Variants in LRRC8A observed in about 807,000 individuals in gnomAD.
LRRC8A encodes leucine rich repeat containing 8 VRAC subunit A.
A neutral mutation model predicts 52.5 loss-of-function variants in LRRC8A; 24 were observed. The observed-to-expected ratio is 0.46, with a 90% CI of 0.33 to 0.64. The LOEUF is 0.64. Among genes scored for constraint, LRRC8A ranks in the 30% least tolerant of loss-of-function variants. LRRC8A has a pLI of 0.02. For synonymous variants in LRRC8A, 492 were observed against 494.2 expected (o/e 1.00, Z 0.06); for missense variants, 677 against 1,094.7 (o/e 0.62, Z 5.38).
Position 128,916,593 on chromosome 9 carries a change from G to C in LRRC8A, c.*222G>C, listed in dbSNP as rs1248297580. The stretch of plus-strand genomic sequence containing the variant: ...CTCACGTCCCCCAGGGCAAGTGCTT[G>C]TGGAGGAGAGCAAGTCTCAAGAGCG... On this transcript the variant is annotated 3_prime_UTR_variant, in exon 4 of 4. Coordinates refer to ENST00000372600, the MANE Select transcript of LRRC8A (RefSeq NM_019594.4). This position sits in a 1 kb window ranked among gnomAD's most constrained non-coding sequence, Gnocchi z 6.1. The C allele has an allele frequency of 6.8e-6, 4 of 591,404 alleles. No homozygotes were observed. Among genetic ancestry groups the C allele is most frequent in the Non-Finnish European group, 1.2e-5 (4 of 341,100 alleles). 36.6% of individuals were successfully genotyped at this position (591,404 alleles called of 1,614,324 possible).
chr9:128,900,307 T>C (rs931654644), intron 2 of LRRC8A, among the ~76,000 whole-genome samples: 3 of 152,186 alleles, frequency 2.0e-5, no homozygotes, highest in African/African-American at 7.2e-5. Context: ...GTCCTAACAA[T>C]TGACTCTTGT....
At chr9:128,904,197 G>C (rs1305489770) in intron 2 of LRRC8A, among the ~76,000 whole-genome samples, 1 of 152,142 alleles carries the variant, frequency 6.6e-6, no homozygotes, top group Non-Finnish European at 1.5e-5. Flanking sequence ...CTGGGTTACA[G>C]TGTAAAGTAA....
chr9:128,893,318 T>G (rs1372981994), intron 2 of LRRC8A, among the ~76,000 whole-genome samples: 1 of 152,118 alleles, frequency 6.6e-6, no homozygotes, highest in Non-Finnish European at 1.5e-5. Flanking sequence ...TCTGGGAGGG[T>G]CATCTGCGAT....
rs1032964700 is a variant in LRRC8A at position 128,917,377 on chromosome 9, G to A, written c.*1006G>A. The A allele has an allele frequency of 2.0e-5, 3 of 152,518 alleles. No homozygotes were observed. The highest frequency in any genetic ancestry group is 4.4e-5 in the Non-Finnish European group (3 of 68,014). The allele number at this position is 152,518 out of a possible 1,614,324, so 9.4% of individuals were successfully genotyped here. A position where few individuals can be genotyped will look rare whatever the true frequency, so the allele number is the denominator to read the frequency against. ...TGTGTCTTGGCAGGCACTCATTTCT[G>A]TGGCTGTCGGCCAGAGGGAATGTTC... is the stretch of plus-strand genomic sequence containing the variant. On this transcript the variant is annotated 3_prime_UTR_variant, in exon 4 of 4. Transcript: ENST00000372600.
Position 128,908,061 on chromosome 9 carries a change from T to A in LRRC8A, c.897T>A (p.Ile299=). ...TCGACGTGGACTGCACCGTGGACAT[T>A]GAGAGCCTGACGGGCTACCGCACCT... ...IKFDVDCTVD[I]ESLTGYRTYR... is the part of the protein sequence containing the mutation. The change falls in exon 3 of 4, where the codon ATT becomes ATA. Residue 299 remains isoleucine (I), a synonymous_variant. Transcript: ENST00000372600. 2 of 1,614,040 alleles carry A rather than the reference T, an allele frequency of 1.2e-6. No individual in the cohort carries two copies. The highest frequency in any genetic ancestry group is 8.5e-7 in the Non-Finnish European group (1 of 1,180,010).
At chr9:128,915,273 G>A (rs927610637) in intron 3 of LRRC8A, among the ~76,000 whole-genome samples, 2 of 152,092 alleles carry the variant, frequency 1.3e-5, no homozygotes, top group African/African-American at 4.8e-5. Flanking sequence ...CTATTCACAG[G>A]TACCTATGAT....
intron 3 of LRRC8A, among the ~76,000 whole-genome samples, chr9:128,912,407 G>A (rs562664544): frequency 1.3e-5 from 2 of 152,096 alleles, no homozygotes; most frequent in African/African-American, 4.8e-5. Flanking sequence ...GAAGCCAGGT[G>A]GAGGGGAAAG....
At position 128,907,821 on chromosome 9, in the gene LRRC8A, C is replaced by G; in HGVS notation, c.657C>G (p.Ile219Met). 1 of 1,613,974 alleles carries G rather than the reference C, an allele frequency of 6.2e-7. No individual in the cohort carries two copies. Residue 219 changes from isoleucine to methionine, a missense_variant, in exon 3 of 4, where the codon ATC (isoleucine) becomes ATG (methionine). Around this residue, in one of 4 missense-constraint regions of LRRC8A, gnomAD observed 422 missense variants for 741.5 expected, o/e 0.57. Coordinates refer to ENST00000372600, the MANE Select transcript of LRRC8A (RefSeq NM_019594.4). The surrounding 1 kb of genome is among the most constrained non-coding windows in gnomAD (Gnocchi z 9.3). ...TGCTGCAGCGGACCAAGTCACGGAT[C>G]GAGCAGGGTATCGTGGACCGCTCAG... The part of the protein sequence containing the change: ...VPMLQRTKSR[I>M]EQGIVDRSET...
chr9:128,890,928 T>C (rs1839592461), intron 2 of LRRC8A, among the ~76,000 whole-genome samples: 1 of 151,542 alleles, frequency 6.6e-6, no homozygotes, highest in African/African-American at 2.4e-5. Context: ...AGGTGGAGGA[T>C]TGCTTGAGCC....
chr9:128,903,615 T>G (rs894446169), intron 2 of LRRC8A, among the ~76,000 whole-genome samples: 13 of 151,852 alleles, frequency 8.6e-5, no homozygotes, highest in East Asian at 5.9e-4. Flanking sequence ...GAGTTTCACC[T>G]TGTTAGCCAG....
At position 128,916,396 on chromosome 9, in the gene LRRC8A, C is replaced by A. The variant is rs766265457; in HGVS notation, c.*25C>A. The A allele has an allele frequency of 3.8e-6, 6 of 1,594,162 alleles. No homozygotes were observed. The highest frequency in any genetic ancestry group is 5.1e-6 in the Non-Finnish European group (6 of 1,168,792). ...AGCGAGGCCGGCCCAGCACAGCAAG[C>A]AGCAGGACCGCTGCCCAGTCCTCAG... On this transcript the variant is annotated 3_prime_UTR_variant, in exon 4 of 4. Transcript: ENST00000372600. This position sits in a 1 kb window ranked among gnomAD's most constrained non-coding sequence, Gnocchi z 6.1.
intron 1 of LRRC8A, among the ~76,000 whole-genome samples, chr9:128,883,819 A>G (rs1839261250): frequency 1.3e-5 from 2 of 152,076 alleles, no homozygotes; most frequent in South Asian, 2.1e-4. Context: ...CTAAAAATAC[A>G]AAAAATTAGC....
Position 128,908,033 on chromosome 9 carries a change from A to G in LRRC8A, c.869A>G (p.Lys290Arg), listed in dbSNP as rs1484452696. 1.9e-6 allele frequency: 3 copies of G among 1,613,944 alleles called. No homozygotes were observed. The highest frequency in any genetic ancestry group is 2.7e-5 in the African/African-American group (2 of 74,898). The change falls in exon 3 of 4, where the codon AAG becomes AGG. Residue 290 changes from lysine (K) to arginine (R), a missense_variant. By Grantham distance (26) the Lys-to-Arg change is conservative. Coordinates refer to ENST00000372600, the MANE Select transcript of LRRC8A (RefSeq NM_019594.4). ...ACCGTCTACTACGTGCACAACATCA[A>G]GTTCGACGTGGACTGCACCGTGGAC... ...CYTVYYVHNIKFDVDCTVDIE... is the reference protein window; with the variant it reads ...CYTVYYVHNIRFDVDCTVDIE...
intron 2 of LRRC8A, among the ~76,000 whole-genome samples, chr9:128,894,983 G>A (rs1839768471): frequency 6.6e-6 from 1 of 152,016 alleles, no homozygotes; most frequent in Admixed American, 6.6e-5. Context: ...GAAACTCTCT[G>A]CACCCATTAA....
In LRRC8A at chr9:128,908,152, ATCT is replaced by A. The variant is rs1564527736; in HGVS notation, c.992_994del (p.Phe331del). ...GGCGTCCTTCTACATCAGCCTAGTC[ATCT>A]TCTACGGCCTCATCTGCATGTATAC... On this transcript the variant is annotated inframe_deletion, in exon 3 of 4. Coordinates refer to ENST00000372600, the MANE Select transcript of LRRC8A (RefSeq NM_019594.4). 1 of 1,613,984 alleles carries A rather than the reference ATCT, an allele frequency of 6.2e-7. No homozygotes were observed. Among genetic ancestry groups the A allele is most frequent in the Non-Finnish European group, 8.5e-7 (1 of 1,180,014 alleles).
At chr9:128,906,699 G>A (rs1007265155) in intron 2 of LRRC8A, among the ~76,000 whole-genome samples, 1 of 152,130 alleles carries the variant, frequency 6.6e-6, no homozygotes, top group African/African-American at 2.4e-5. Flanking sequence ...CTCATATTTT[G>A]CGGGAATCCC....
At chr9:128,912,580 G>C (rs564565997) in intron 3 of LRRC8A, among the ~76,000 whole-genome samples, 1 of 152,076 alleles carries the variant, frequency 6.6e-6, no homozygotes, top group Non-Finnish European at 1.5e-5. Context: ...TTTAACAGCC[G>C]ATCCCTTGCC....
chr9:128,907,063 A>G lies in LRRC8A; in HGVS notation c.-8-94A>G, dbSNP rs1026191425. 17 of 1,076,486 alleles carry G rather than the reference A, an allele frequency of 1.6e-5. No individual in the cohort carries two copies. Among genetic ancestry groups the G allele is most frequent in the Middle Eastern group, 3.1e-4 (1 of 3,238 alleles). The allele number at this position is 1,076,486 out of a possible 1,614,324, so 66.7% of individuals were successfully genotyped here. On this transcript the variant is annotated intron_variant, in intron 2 of 3. Transcript: ENST00000372600. This position sits in a 1 kb window ranked among gnomAD's most constrained non-coding sequence, Gnocchi z 9.3. ...TAGATTTGAGGTGGAATTTTGGACA[A>G]TGGAAGAATTTTCATTGTCTTCTTC...
At chr9:128,914,204 G>A (rs549728031) in intron 3 of LRRC8A, among the ~76,000 whole-genome samples, 12 of 83,052 alleles carry the variant, frequency 1.4e-4, no homozygotes, top group Non-Finnish European at 2.5e-4. Flanking sequence ...TCCGTCCCCC[G>A]CCCCCGCCCC....
Sources: allele counts gnomAD v4.1 joint callset (sites outside exome capture counted in the v4.1 genomes callset), GRCh38; gene constraint gnomAD v4.1.1; regional missense constraint gnomAD v4.1.1; non-coding constraint Gnocchi (gnomAD v3.1); transcripts MANE v1.5; gene names NCBI Gene and HGNC (gene_info 2026-07-23, HGNC 2026-07-21).